Variants in CHST3 observed in about 807,000 individuals in gnomAD.
The protein encoded by CHST3 is C6ST-1.
A neutral mutation model predicts 35.4 loss-of-function variants in CHST3; 20 were observed. The ratio of observed to expected loss-of-function variants is 0.57; its 90% CI spans 0.40 to 0.82. The LOEUF (loss-of-function observed/expected upper bound fraction) is 0.82. CHST3 is among the 40% of genes least tolerant of loss of function. The pLI is 0.00. For synonymous variants in CHST3, 334 were observed against 295.9 expected (o/e 1.13, Z -1.32); for missense variants, 693 against 670.1 (o/e 1.03, Z -0.38).
At chr10:72,004,729 T>A (rs550494167) in intron 1 of CHST3, among the ~76,000 whole-genome samples, 1 of 152,178 alleles carries the variant, frequency 6.6e-6, no homozygotes, top group Non-Finnish European at 1.5e-5. Context: ...TGTTTCTGAA[T>A]GGGAGCTTGC....
chr10:71,965,087 C>T (rs1715428124), intron 1 of CHST3, among the ~76,000 whole-genome samples: 1 of 152,232 alleles, frequency 6.6e-6, no homozygotes, highest in Non-Finnish European at 1.5e-5. Context: ...GCTGCCCCCG[C>T]AGCCCCCAAG....
At chr10:71,966,133 A>G (rs1839630192) in intron 1 of CHST3, among the ~76,000 whole-genome samples, 1 of 151,998 alleles carries the variant, frequency 6.6e-6, no homozygotes, top group African/African-American at 2.4e-5. Flanking sequence ...GTAAGTGGAG[A>G]AAGAGATGGG....
intron 1 of CHST3, among the ~76,000 whole-genome samples, chr10:71,988,854 T>C (rs1245605809): frequency 6.6e-6 from 1 of 152,158 alleles, no homozygotes; most frequent in Non-Finnish European, 1.5e-5. Context: ...TATTAGCTTT[T>C]ACTCATGAGA....
chr10:71,970,297 G>C (rs756601219), intron 1 of CHST3, among the ~76,000 whole-genome samples: 4 of 152,162 alleles, frequency 2.6e-5, no homozygotes, highest in Non-Finnish European at 5.9e-5. Context: ...CTGAGGGACT[G>C]TGGCTTCCCT....
chr10:72,011,838 T>C lies in CHST3; in HGVS notation c.*3367T>C, dbSNP rs193204538. ...CTTCCCCTCGGGACCTGTTTATAAA[T>C]TGAGGAATGGATGAGGGCCCTGGAG... On this transcript the variant is annotated 3_prime_UTR_variant, in exon 3 of 3. Transcript: ENST00000373115. 5.5e-4 allele frequency: 84 copies of C among 152,176 alleles called. No homozygotes were observed. Among genetic ancestry groups the C allele is most frequent in the African/African-American group, 1.6e-3 (68 of 41,518 alleles). The allele number at this position is 152,176 out of a possible 1,614,324, so 9.4% of individuals were successfully genotyped here.
chr10:71,985,910 C>T lies in CHST3; in HGVS notation c.-107-19826C>T, dbSNP rs564899701. 1.8e-4 allele frequency among the ~76,000 whole-genome samples: 27 copies of T among 152,270 alleles called. No homozygotes were observed. In the South Asian group the frequency reaches 5.2e-3, roughly 29 times the overall value. On this transcript the variant is annotated intron_variant, in intron 1 of 2. Coordinates refer to ENST00000373115, the MANE Select transcript of CHST3 (RefSeq NM_004273.5). ...ACCCCTTCCTTGACCCTTGGCAATA[C>T]TAGTCTGTTCTCCATTCTTACAGTT... is the stretch of plus-strand genomic sequence containing the variant.
At chr10:71,972,129 G>C (rs961493139) in intron 1 of CHST3, among the ~76,000 whole-genome samples, 2 of 152,076 alleles carry the variant, frequency 1.3e-5, no homozygotes, top group African/African-American at 4.8e-5. Flanking sequence ...AGGTGGCTCC[G>C]GTTATTCCCA....
chr10:71,984,645 G>C (rs1346564927), intron 1 of CHST3, among the ~76,000 whole-genome samples: 1 of 152,228 alleles, frequency 6.6e-6, no homozygotes, highest in East Asian at 1.9e-4. Flanking sequence ...TCCGATCCCA[G>C]CTCTGCCTTT....
At chr10:71,973,230 C>T (rs1404507685) in intron 1 of CHST3, among the ~76,000 whole-genome samples, 1 of 152,144 alleles carries the variant, frequency 6.6e-6, no homozygotes, top group Non-Finnish European at 1.5e-5. Context: ...CTCTTGAGGT[C>T]ATTACCCCAT....
intron 1 of CHST3, among the ~76,000 whole-genome samples, chr10:71,996,932 TG>T (rs1185950402): frequency 6.6e-6 from 1 of 152,176 alleles, no homozygotes; most frequent in Non-Finnish European, 1.5e-5. Flanking sequence ...TGTTTTGTTT[TG>T]TTTTTTTGAG....
intron 1 of CHST3, among the ~76,000 whole-genome samples, chr10:71,987,246 A>G (rs1416108563): frequency 6.6e-6 from 1 of 152,094 alleles, no homozygotes; most frequent in African/African-American, 2.4e-5. Context: ...GATGTTGGAC[A>G]GAACACAAGA....
intron 1 of CHST3, among the ~76,000 whole-genome samples, chr10:72,003,593 C>G (rs985574167): frequency 1.3e-5 from 2 of 151,360 alleles, no homozygotes; most frequent in African/African-American, 4.9e-5. Context: ...CCCAGCTACT[C>G]AGGAGGCTGA....
rs138134633 is a variant in CHST3, at chr10:72,000,143, T to C, written c.-107-5593T>C. Among the ~76,000 whole-genome samples the C allele has an allele frequency of 2.6e-3, 390 of 152,350 alleles. 2 individuals carry two copies. The highest frequency in any genetic ancestry group is 9.1e-3 in the African/African-American group (378 of 41,584). On this transcript the variant is annotated intron_variant, in intron 1 of 2. Coordinates refer to ENST00000373115, the MANE Select transcript of CHST3 (RefSeq NM_004273.5). ...CATGTATGGAGCAATTGCCTTTTTT[T>C]CTTCCTCTTCATATCTTCTGTCAAC...
chr10:71,974,764 G>A (rs925004996), intron 1 of CHST3, among the ~76,000 whole-genome samples: 4 of 152,072 alleles, frequency 2.6e-5, no homozygotes, highest in South Asian at 2.1e-4. Context: ...AAGGGGACCC[G>A]CACACCCCAT....
At chr10:71,975,739 G>A (rs961348196) in intron 1 of CHST3, among the ~76,000 whole-genome samples, 4 of 152,260 alleles carry the variant, frequency 2.6e-5, no homozygotes, top group African/African-American at 9.6e-5. Flanking sequence ...CTGTCTGTGG[G>A]CGCAGATGCC....
intron 1 of CHST3, among the ~76,000 whole-genome samples, chr10:71,974,024 C>G (rs533843099): frequency 2.0e-5 from 3 of 152,194 alleles, no homozygotes; most frequent in Non-Finnish European, 1.5e-5. Context: ...AAGTTGCTTA[C>G]CTTCTCTGAG....
At position 72,008,580 on chromosome 10, in the gene CHST3, G is replaced by GTCCC; in HGVS notation, c.*110_*111insCCCT. Reference sequence around the variant, plus strand: ...GCGCCATGAGCGGGCAGCGCCTCCTGTAGCAGTAGGGCCCCCAGCCAGCGC... The same window carrying GTCCC: ...GCGCCATGAGCGGGCAGCGCCTCCTGTCCCTAGCAGTAGGGCCCCCAGCCAGCGC... On this transcript the variant is annotated 3_prime_UTR_variant, in exon 3 of 3. Coordinates refer to ENST00000373115, the MANE Select transcript of CHST3 (RefSeq NM_004273.5). 7.0e-7 allele frequency: 1 copy of GTCCC among 1,435,990 alleles called. No homozygotes were observed. The highest frequency in any genetic ancestry group is 9.1e-7 in the Non-Finnish European group (1 of 1,098,916). The allele number at this position is 1,435,990 out of a possible 1,614,324, so 89.0% of individuals were successfully genotyped here.
At chr10:72,000,489 T>C (rs1649106441) in intron 1 of CHST3, among the ~76,000 whole-genome samples, 1 of 151,618 alleles carries the variant, frequency 6.6e-6, no homozygotes, top group Admixed American at 6.6e-5. Flanking sequence ...TGGGGGGGCA[T>C]TTGAGCTGAG....
intron 1 of CHST3, among the ~76,000 whole-genome samples, chr10:71,995,575 G>A (rs1193352375): frequency 1.3e-5 from 2 of 152,086 alleles, no homozygotes; most frequent in African/African-American, 4.8e-5. Flanking sequence ...CAACAAAAGC[G>A]TGACTCTTTC....
Sources: gnomAD v4.1 joint callset for allele counts (sites outside exome capture counted in the v4.1 genomes callset) on GRCh38, gnomAD v4.1.1 for gene constraint, MANE v1.5 for transcripts, NCBI Gene and HGNC (gene_info 2026-07-23, HGNC 2026-07-21) for gene names.